MORN3: variants seen among roughly 807,000 people sequenced by gnomAD.
The protein encoded by MORN3 is MORN repeat containing 3, also known as MORN repeat-containing protein 3.
In MORN3, 38 loss-of-function variants were observed where a neutral mutation model predicts 34.7. The observed-to-expected ratio is 1.10, with a 90% confidence interval of 0.85 to 1.44. MORN3 has a LOEUF of 1.44. MORN3 is among the 40% of genes most tolerant of loss of function. MORN3 has a pLI of 0.00. For missense variants in MORN3, 311 were observed against 321.7 expected, an observed-to-expected ratio of 0.97 and a Z score of 0.25; for synonymous variants, 109 against 115.3, an observed-to-expected ratio of 0.95 and a Z score of 0.35.
rs1555325466 is a variant in MORN3 at position 121,654,331 on chromosome 12, T to C, written c.406A>G (p.Ile136Val). 1 of 1,603,012 alleles carries C rather than the reference T, an allele frequency of 6.2e-7. No individual in the cohort carries two copies. The highest frequency in any genetic ancestry group is 1.7e-5 in the Admixed American group (1 of 58,268). Residue 136 changes from isoleucine (I) to valine (V), a missense_variant, in exon 3 of 6, where the codon ATC becomes GTC. Coordinates refer to ENST00000355329, the MANE Select transcript of MORN3 (RefSeq NM_173855.5). The stretch of plus-strand genomic sequence containing the variant: ...TCGTTCTCCCACTGTCCCTCGTAGA[T>C]GTCGCCGTTGCTGTAATACATGCGG... ...WGRMYYSNGD[I>V]YEGQWENDKP...
At chr12:121,670,064 G>A (rs1031030297), upstream of MORN3, among the ~76,000 whole-genome samples, 3 of 151,600 alleles carry the variant, frequency 2.0e-5, no homozygotes, top group Non-Finnish European at 2.9e-5. Flanking sequence ...AGTAGAGACG[G>A]GGGTTTCACC....
upstream of MORN3, among the ~76,000 whole-genome samples, chr12:121,671,588 A>C (rs1893970598): frequency 6.6e-6 from 1 of 151,954 alleles, no homozygotes; most frequent in Admixed American, 6.6e-5. Flanking sequence ...TGTTAAAAAT[A>C]GGAATTAGCA....
In MORN3 at chr12:121,654,327, T is replaced by C. The variant is rs1555325464; in HGVS notation, c.410A>G (p.Tyr137Cys). ...CTTGTCGTTCTCCCACTGTCCCTCG[T>C]AGATGTCGCCGTTGCTGTAATACAT... ...GRMYYSNGDIYEGQWENDKPN... is the reference protein window; with the variant it reads ...GRMYYSNGDICEGQWENDKPN... Residue 137 changes from tyrosine (Y) to cysteine (C), a missense_variant, in exon 3 of 6, where the codon TAC becomes TGC. Transcript: ENST00000355329. 2 of 1,603,098 alleles carry C rather than the reference T, an allele frequency of 1.2e-6. No individual in the cohort carries two copies. The highest frequency in any genetic ancestry group is 1.7e-6 in the Non-Finnish European group (2 of 1,175,574).
At chr12:121,651,808 G>A (rs1555325131) in intron 5 of MORN3, among the ~76,000 whole-genome samples, 164 bp from the exon 6 acceptor site, 1 of 152,154 alleles carries the variant, frequency 6.6e-6, no homozygotes, top group Non-Finnish European at 1.5e-5. Context: ...ACTCAAGGGT[G>A]TTCAGAAGCC....
At chr12:121,660,081 A>G (rs1217042805) in intron 1 of MORN3, among the ~76,000 whole-genome samples, 1 of 151,236 alleles carries the variant, frequency 6.6e-6, no homozygotes, top group Non-Finnish European at 1.5e-5. Flanking sequence ...TAAAAATACA[A>G]AAATTAGCCA....
chr12:121,661,917 G>GAGGAAGGA (rs1476187566), intron 1 of MORN3, among the ~76,000 whole-genome samples: 2 of 147,496 alleles, frequency 1.4e-5, no homozygotes, highest in South Asian at 2.1e-4. Flanking sequence ...GGGAGGAAGG[G>GAGGAAGGA]AGGAAGGAAG....
intron 2 of MORN3, among the ~76,000 whole-genome samples, chr12:121,654,856 C>T (rs1164789945): frequency 6.6e-6 from 1 of 151,916 alleles, no homozygotes; most frequent in African/African-American, 2.4e-5. Context: ...CCTCAGCCTC[C>T]CAAAGTGCTG....
In MORN3 at chr12:121,649,586, G is replaced by C. The variant is rs1893202607; in HGVS notation, c.*2065C>G. ...CCCTTGGTGAGGCCACCCTACTTATGACTTAGGGGGCAGAGAGAACCTCAG... is the reference window on the plus strand; with the variant it reads ...CCCTTGGTGAGGCCACCCTACTTATCACTTAGGGGGCAGAGAGAACCTCAG... On this transcript the variant is annotated 3_prime_UTR_variant, in exon 6 of 6. Coordinates refer to ENST00000355329, the MANE Select transcript of MORN3 (RefSeq NM_173855.5). 6.6e-6 allele frequency: 1 copy of C among 152,098 alleles called. No homozygotes were observed. Among genetic ancestry groups the C allele is most frequent in the Non-Finnish European group, 1.5e-5 (1 of 68,036 alleles). The allele number at this position is 152,098 out of a possible 1,614,324, so 9.4% of individuals were successfully genotyped here. A position where few individuals can be genotyped will look rare whatever the true frequency, so the allele number is the denominator to read the frequency against.
intron 2 of MORN3, among the ~76,000 whole-genome samples, chr12:121,655,068 C>T (rs1375298260): frequency 3.9e-5 from 6 of 152,056 alleles, no homozygotes; most frequent in Non-Finnish European, 8.8e-5. Context: ...TTTAAATCGC[C>T]CATCTAGGCT....
rs782064941 is a variant in MORN3, at chr12:121,653,222, G to A, written c.501C>T (p.Gly167=). The A allele has an allele frequency of 6.2e-7, 1 of 1,614,140 alleles. No homozygotes were observed. Among genetic ancestry groups the A allele is most frequent in the East Asian group, 2.2e-5 (1 of 44,886 alleles). ...GNRYEGCWER[G]MKNGAGRFFH... is the part of the protein sequence containing the mutation. The stretch of plus-strand genomic sequence containing the variant: ...AGAAACGCCCCGCCCCGTTCTTCAT[G>A]CCTCTCTCCCAGCAGCCCTCGTAGC... The change falls in exon 4 of 6, where the codon GGC becomes GGT. Residue 167 remains glycine (G), a synonymous_variant. Transcript: ENST00000355329.
In MORN3 at chr12:121,659,349, C is replaced by T. The variant is rs1342430578; in HGVS notation, c.146-1G>A. On this transcript the variant is annotated splice_acceptor_variant, in intron 1 of 5. Transcript: ENST00000355329. LOFTEE classifies it high-confidence loss of function. Reference sequence around the variant, plus strand: ...TTCTTCCAGACCTGTGTTCCTTTCCCTGGTGACACACAGATGGGCAATGCT... The same window carrying T: ...TTCTTCCAGACCTGTGTTCCTTTCCTTGGTGACACACAGATGGGCAATGCT... The T allele has an allele frequency of 1.2e-6, 2 of 1,613,602 alleles. No individual in the cohort carries two copies. Among genetic ancestry groups the T allele is most frequent in the Non-Finnish European group, 1.7e-6 (2 of 1,179,828 alleles).
intron 2 of MORN3, among the ~76,000 whole-genome samples, chr12:121,657,509 C>T (rs1253305672): frequency 1.3e-5 from 2 of 152,024 alleles, no homozygotes; most frequent in African/African-American, 4.8e-5. Context: ...ACTCTTTCCC[C>T]CACCCACCAA....
At chr12:121,665,557 G>T (rs1893727918) in intron 1 of MORN3, among the ~76,000 whole-genome samples, 1 of 151,390 alleles carries the variant, frequency 6.6e-6, no homozygotes, top group African/African-American at 2.4e-5. Context: ...CACGAGGTCA[G>T]GAGTTCGAGG....
Position 121,654,412 on chromosome 12 carries a change from C to A in MORN3, c.325G>T (p.Gly109Ter). Residue 109 changes from glycine (G) to a stop codon, truncating the protein, a stop_gained, in exon 3 of 6, where the codon GGA (glycine) becomes TGA (stop). Coordinates refer to ENST00000355329, the MANE Select transcript of MORN3 (RefSeq NM_173855.5). LOFTEE classifies it high-confidence loss of function. ...TCACCCTCATAATACTCCTTGGGTCCGAAAAACTGGATCCCATAACCCTGA... is the reference window on the plus strand; with the variant it reads ...TCACCCTCATAATACTCCTTGGGTCAGAAAAACTGGATCCCATAACCCTGA... ...KKSGYGIQFF[G>*]PKEYYEGDWC... The A allele has an allele frequency of 6.3e-7, 1 of 1,595,648 alleles. No individual in the cohort carries two copies. Among genetic ancestry groups the A allele is most frequent in the East Asian group, 2.3e-5 (1 of 44,356 alleles).
chr12:121,654,435 T>C lies in MORN3; in HGVS notation c.304-2A>G, dbSNP rs1555325505. The C allele has an allele frequency of 1.3e-6, 2 of 1,583,906 alleles. No individual in the cohort carries two copies. Among genetic ancestry groups the C allele is most frequent in the South Asian group, 1.2e-5 (1 of 86,582 alleles). ...TCCGAAAAACTGGATCCCATAACCC[T>C]GAAAGTACGAAGATGCTACTACTCA... On this transcript the variant is annotated splice_acceptor_variant, in intron 2 of 5. Coordinates refer to ENST00000355329, the MANE Select transcript of MORN3 (RefSeq NM_173855.5). LOFTEE classifies it high-confidence loss of function.
chr12:121,659,497 A>G, intron 1 of MORN3, 149 bp from the exon 2 acceptor site: 1 of 689,830 alleles, frequency 1.4e-6, no homozygotes. Context: ...AGTACCCAGG[A>G]GAAGGCCAGG....
intron 1 of MORN3, among the ~76,000 whole-genome samples, chr12:121,661,241 GA>G (rs1290178378): frequency 3.3e-5 from 5 of 152,030 alleles, no homozygotes; most frequent in Non-Finnish European, 7.4e-5. Flanking sequence ...TTACAGGCAT[GA>G]GGCACCACAC....
At chr12:121,652,512 G>A (rs150646104) in intron 5 of MORN3, among the ~76,000 whole-genome samples, 4,492 of 152,268 alleles carry the variant, frequency 0.03, 179 homozygotes, top group East Asian at 0.11. Flanking sequence ...GGGATTAAAG[G>A]CAAGAGCCAC....
intron 2 of MORN3, among the ~76,000 whole-genome samples, chr12:121,656,608 G>C (rs1440753738): frequency 6.6e-6 from 1 of 152,026 alleles, no homozygotes; most frequent in Non-Finnish European, 1.5e-5. Context: ...TCTGCCTCCT[G>C]GCTTCAAGCG....
Sources: allele counts gnomAD v4.1 joint callset (sites outside exome capture counted in the v4.1 genomes callset), GRCh38; gene constraint gnomAD v4.1.1; transcripts MANE v1.5; gene names NCBI Gene and HGNC (gene_info 2026-07-23, HGNC 2026-07-21).